ZFAT: variants seen among roughly 807,000 people sequenced by gnomAD.
The protein encoded by ZFAT is zinc finger and AT-hook domain containing, also known as zinc finger protein ZFAT.
ZFAT carries 64 observed loss-of-function variants against 117.7 expected under a neutral mutation model. The ratio of observed to expected loss-of-function variants is 0.54; its 90% CI spans 0.44 to 0.67. ZFAT has a LOEUF of 0.67. Among genes scored for constraint, ZFAT ranks in the 30% least tolerant of loss-of-function variants. The pLI, the probability that ZFAT is intolerant of heterozygous loss-of-function variation, is 0.00. For missense variants in ZFAT, 1,433 were observed against 1,584.5 expected, an observed-to-expected ratio of 0.90 and a Z score of 1.62; for synonymous variants, 679 against 615.0, an observed-to-expected ratio of 1.10 and a Z score of -1.54.
At chr8:134,630,823 G>A (rs1829837408) in intron 3 of ZFAT, among the ~76,000 whole-genome samples, 1 of 152,196 alleles carries the variant, frequency 6.6e-6, no homozygotes, top group African/African-American at 2.4e-5. Flanking sequence ...TTCAGGGTAA[G>A]AAAAAGTTTA....
the ZFAT span, among the ~76,000 whole-genome samples, chr8:134,758,568 G>A: frequency 8.6e-4 from 131 of 152,334 alleles, no homozygotes; most frequent in African/African-American, 2.9e-3. Context: ...TTTGCAAAAT[G>A]GCTTTTCATG....
At chr8:134,721,980 A>G in the ZFAT span, among the ~76,000 whole-genome samples, 1 of 152,254 alleles carries the variant, frequency 6.6e-6, no homozygotes, top group Admixed American at 6.5e-5. Context: ...AAAAGGGATC[A>G]GGCCATTCAT....
intron 2 of ZFAT, among the ~76,000 whole-genome samples, chr8:134,649,353 A>G (rs1393467472): frequency 1.1e-4 from 16 of 152,224 alleles, no homozygotes; most frequent in Admixed American, 3.3e-4. Context: ...AATCCAGATT[A>G]GAAAGGAAAA....
intron 9 of ZFAT, among the ~76,000 whole-genome samples, chr8:134,584,617 T>C (rs1360392269): frequency 1.3e-5 from 2 of 152,240 alleles, no homozygotes; most frequent in Non-Finnish European, 2.9e-5. Context: ...AGGGGCATCT[T>C]GGCATTCACC....
At chr8:134,550,325 A>AAAAAAAAAAAAAAAACAAC (rs1554643709) in intron 11 of ZFAT, among the ~76,000 whole-genome samples, 1 of 150,534 alleles carries the variant, frequency 6.6e-6, no homozygotes, top group African/African-American at 2.5e-5. Flanking sequence ...AAAAAAAAAA[A>AAAAAAAAAAAAAAAACAAC]AAAAAAACAG....
chr8:134,517,014 T>C (rs1280753817), intron 13 of ZFAT, among the ~76,000 whole-genome samples: 2 of 152,234 alleles, frequency 1.3e-5, no homozygotes, highest in Non-Finnish European at 2.9e-5. Context: ...ACATATTTTA[T>C]GTGTTTCGCT....
chr8:134,804,269 T>C, the ZFAT span, among the ~76,000 whole-genome samples: 1 of 152,116 alleles, frequency 6.6e-6, no homozygotes, highest in Non-Finnish European at 1.5e-5. Flanking sequence ...AATATTAATA[T>C]AAAAAGACAT....
the ZFAT span, among the ~76,000 whole-genome samples, chr8:134,750,412 T>C: frequency 6.6e-6 from 1 of 152,028 alleles, no homozygotes; most frequent in Non-Finnish European, 1.5e-5. Context: ...TGATAGTTTT[T>C]TCCTTACAAC....
In ZFAT at chr8:134,568,985, G is replaced by A. The variant is rs56161348; in HGVS notation, c.2888-3564C>T. The stretch of plus-strand genomic sequence containing the variant: ...CTCAGAGTGCTGGGAGATGCACATC[G>A]AATGGCTGTACGTGGATGCGAATCT... On this transcript the variant is annotated intron_variant, in intron 10 of 15. Coordinates refer to ENST00000377838, the MANE Select transcript of ZFAT (RefSeq NM_020863.4). Among the ~76,000 whole-genome samples, 1,142 of 152,288 alleles carry A rather than the reference G, an allele frequency of 7.5e-3. 6 individuals carry two copies. Among genetic ancestry groups the A allele is most frequent in the African/African-American group, 0.023 (952 of 41,558 alleles).
chr8:134,737,732 G>C, the ZFAT span, among the ~76,000 whole-genome samples: 1 of 152,118 alleles, frequency 6.6e-6, no homozygotes. Flanking sequence ...GATGGACCTG[G>C]GAATCCATCA....
chr8:134,677,153 T>C (rs200314018), intron 1 of ZFAT, among the ~76,000 whole-genome samples: 4 of 152,076 alleles, frequency 2.6e-5, no homozygotes, highest in African/African-American at 9.7e-5. Flanking sequence ...ATGAATCCAG[T>C]AGCTGGTTTT....
At chr8:134,716,182 C>CATAT (rs35463896), upstream of ZFAT, among the ~76,000 whole-genome samples, 268 of 149,562 alleles carry the variant, frequency 1.8e-3, 1 homozygote, top group Middle Eastern at 3.5e-3. Context: ...CACACACACA[C>CATAT]ATATATATAT....
intron 3 of ZFAT, among the ~76,000 whole-genome samples, chr8:134,636,455 T>C (rs1830217003): frequency 6.6e-6 from 1 of 152,202 alleles, no homozygotes; most frequent in Non-Finnish European, 1.5e-5. Flanking sequence ...TCTTACTTAA[T>C]TGTCAAAGCA....
chr8:134,532,828 G>A lies in ZFAT; in HGVS notation c.3115+6C>T, dbSNP rs780440598. On this transcript the variant is annotated splice_donor_region_variant and intron_variant, in intron 12 of 15. Coordinates refer to ENST00000377838, the MANE Select transcript of ZFAT (RefSeq NM_020863.4). ...CAGGGCCCCAGCTCGCTGGCCCCTC[G>A]CCTACCTTGCTGGATGAGCACCTCC... 1.9e-5 allele frequency: 31 copies of A among 1,609,058 alleles called. No individual in the cohort carries two copies. The highest frequency in any genetic ancestry group is 2.7e-5 in the African/African-American group (2 of 74,888).
chr8:134,701,378 T>C (rs912836947), intron 1 of ZFAT, among the ~76,000 whole-genome samples: 4 of 152,266 alleles, frequency 2.6e-5, no homozygotes, highest in Admixed American at 2.0e-4. Context: ...TGAATAATAC[T>C]TTATTCTATG....
At chr8:134,569,612 G>T (rs909334104) in intron 10 of ZFAT, among the ~76,000 whole-genome samples, 3 of 152,056 alleles carry the variant, frequency 2.0e-5, no homozygotes, top group African/African-American at 7.2e-5. Context: ...CTACTCAGAG[G>T]CCCCATTAGA....
At chr8:134,683,252 T>A (rs1006098947) in intron 1 of ZFAT, among the ~76,000 whole-genome samples, 4 of 152,232 alleles carry the variant, frequency 2.6e-5, no homozygotes, top group Admixed American at 1.3e-4. Flanking sequence ...GCTCTGCTAA[T>A]GTGTCAGACA....
At chr8:134,637,835 G>A in intron 2 of ZFAT, 123 bp from the exon 3 acceptor site, 1 of 1,345,750 alleles carries the variant, frequency 7.4e-7, no homozygotes, top group Non-Finnish European at 1.0e-6. Context: ...AAAGTCTAAA[G>A]TGATTCCAGA....
chr8:134,732,909 G>A, the ZFAT span, among the ~76,000 whole-genome samples: 18 of 152,240 alleles, frequency 1.2e-4, no homozygotes, highest in South Asian at 4.1e-4. Flanking sequence ...AGTATACCCC[G>A]TCACAATCTA....
Sources: allele counts gnomAD v4.1 joint callset (sites outside exome capture counted in the v4.1 genomes callset), GRCh38; gene constraint gnomAD v4.1.1; transcripts MANE v1.5; gene names NCBI Gene and HGNC (gene_info 2026-07-23, HGNC 2026-07-21).